JMJD1C: variants seen among roughly 807,000 people sequenced by gnomAD.
JMJD1C encodes jumonji domain-containing protein 1C.
Under a neutral mutation model 245.3 loss-of-function variants are expected in JMJD1C, and 31 were observed. That is an observed-to-expected ratio of 0.13 (90% CI 0.09 to 0.17). The LOEUF is 0.17. JMJD1C is among the 10% of genes least tolerant of loss of function. The probability of loss-of-function intolerance (pLI) is 1.00; values close to 1 mark genes in which losing one functional copy is unlikely to be tolerated. For synonymous variants in JMJD1C, 1,057 were observed against 1,017.4 expected, an observed-to-expected ratio of 1.04 and a Z score of -0.74; for missense variants, 2,691 against 3,000.2, an observed-to-expected ratio of 0.90 and a Z score of 2.41.
chr10:63,349,960 C>A (rs1316498073), intron 2 of JMJD1C, among the ~76,000 whole-genome samples: 1 of 152,026 alleles, frequency 6.6e-6, no homozygotes, highest in Non-Finnish European at 1.5e-5. Flanking sequence ...ACATTCTGCC[C>A]CATCCTGAAA....
intron 1 of JMJD1C, among the ~76,000 whole-genome samples, chr10:63,398,234 C>CT (rs994570665): frequency 2.6e-5 from 4 of 151,594 alleles, no homozygotes; most frequent in African/African-American, 4.8e-5. Context: ...TTTGATATGA[C>CT]TTTTTTTTTC....
chr10:63,457,364 A>G (rs946483820), intron 1 of JMJD1C, among the ~76,000 whole-genome samples: 2 of 152,218 alleles, frequency 1.3e-5, no homozygotes, highest in African/African-American at 2.4e-5. Flanking sequence ...ATTATACTTT[A>G]AACACTATTT....
intron 1 of JMJD1C, among the ~76,000 whole-genome samples, chr10:63,434,514 C>A (rs989731031): frequency 6.6e-6 from 1 of 152,016 alleles, no homozygotes. Flanking sequence ...GGACACAATA[C>A]TAGAGAGGAA....
At chr10:63,177,902 G>T in intron 22 of JMJD1C, 46 bp from the exon 23 acceptor site, 1 of 1,593,422 alleles carries the variant, frequency 6.3e-7, no homozygotes. Flanking sequence ...AAGAATACCA[G>T]AAAGCCAAGT....
chr10:63,451,784 C>T (rs1004777149), intron 1 of JMJD1C, among the ~76,000 whole-genome samples: 1 of 152,126 alleles, frequency 6.6e-6, no homozygotes, highest in African/African-American at 2.4e-5. Flanking sequence ...GAGATAAACC[C>T]CTGCATATAT....
At chr10:63,337,437 G>A (rs1470377485) in intron 2 of JMJD1C, among the ~76,000 whole-genome samples, 1 of 104,072 alleles carries the variant, frequency 9.6e-6, no homozygotes, top group Non-Finnish European at 1.8e-5. Flanking sequence ...GTGAGCCTCC[G>A]TCAGAAAGAA....
chr10:63,293,203 C>A (rs1858988304), intron 2 of JMJD1C, among the ~76,000 whole-genome samples: 2 of 152,142 alleles, frequency 1.3e-5, no homozygotes, highest in Non-Finnish European at 2.9e-5. Flanking sequence ...ACTTCCTCGA[C>A]CTTTTCTTGG....
At chr10:63,447,278 T>A (rs1394163062) in intron 1 of JMJD1C, among the ~76,000 whole-genome samples, 1 of 152,204 alleles carries the variant, frequency 6.6e-6, no homozygotes, top group African/African-American at 2.4e-5. Context: ...CTCAATTCAG[T>A]TCTTCTCCAT....
chr10:63,196,019 T>C (rs1845419968), intron 13 of JMJD1C, among the ~76,000 whole-genome samples: 1 of 151,678 alleles, frequency 6.6e-6, no homozygotes, highest in Admixed American at 6.6e-5. Flanking sequence ...TGGTGGCTCA[T>C]GCCTGTAATC....
chr10:63,479,711 A>G (rs1162054714), intron 1 of JMJD1C, among the ~76,000 whole-genome samples: 3 of 152,184 alleles, frequency 2.0e-5, no homozygotes, highest in Admixed American at 6.5e-5. Context: ...TAGAGACATG[A>G]TTCAGTTTCA....
chr10:63,370,555 C>T (rs1056848230), intron 2 of JMJD1C, among the ~76,000 whole-genome samples: 8 of 152,190 alleles, frequency 5.3e-5, no homozygotes, highest in African/African-American at 1.7e-4. Flanking sequence ...ATGCTACCTT[C>T]CTTGATAACT....
intron 10 of JMJD1C, among the ~76,000 whole-genome samples, chr10:63,201,835 C>A (rs1846044517): frequency 6.6e-6 from 1 of 151,298 alleles, no homozygotes; most frequent in African/African-American, 2.4e-5. Context: ...GAGGCTGAGG[C>A]AGGAGAATCA....
chr10:63,489,329 G>A (rs1392511439), intron 1 of JMJD1C: 1 of 152,394 alleles, frequency 6.6e-6, no homozygotes, highest in East Asian at 1.9e-4. Context: ...GAACCCAGGA[G>A]GCAGAGGTTG....
chr10:63,414,254 G>A (rs1949673348), intron 1 of JMJD1C, among the ~76,000 whole-genome samples: 1 of 152,042 alleles, frequency 6.6e-6, no homozygotes, highest in African/African-American at 2.4e-5. Flanking sequence ...CCAAAGTGCT[G>A]GGATCACAGG....
intron 2 of JMJD1C, among the ~76,000 whole-genome samples, chr10:63,349,654 A>C (rs982761243): frequency 6.6e-6 from 1 of 152,194 alleles, no homozygotes; most frequent in African/African-American, 2.4e-5. Context: ...TGCGGGAACT[A>C]TATGAGTTAC....
At chr10:63,427,430 C>T (rs1436468958) in intron 1 of JMJD1C, 2 of 1,136,750 alleles carry the variant, frequency 1.8e-6, no homozygotes, top group Non-Finnish European at 2.6e-6. Flanking sequence ...CGGGAGGTGA[C>T]TGCTGACCAG....
intron 1 of JMJD1C, chr10:63,489,644 C>T (rs1016491174): frequency 3.3e-5 from 5 of 152,828 alleles, no homozygotes; most frequent in African/African-American, 1.2e-4. Context: ...AGATTCAACA[C>T]TGGGATTACA....
chr10:63,430,501 A>G (rs545350181), intron 1 of JMJD1C, among the ~76,000 whole-genome samples: 3 of 152,242 alleles, frequency 2.0e-5, no homozygotes, highest in Non-Finnish European at 4.4e-5. Context: ...GGCACAGATT[A>G]TATGATTTCA....
intron 1 of JMJD1C, among the ~76,000 whole-genome samples, chr10:63,495,254 A>G (rs1954320068): frequency 6.6e-6 from 1 of 152,046 alleles, no homozygotes; most frequent in African/African-American, 2.4e-5. Flanking sequence ...CATATATGAG[A>G]TAATCCTGGG....
Sources: allele counts gnomAD v4.1 joint callset (sites outside exome capture counted in the v4.1 genomes callset), GRCh38; gene constraint gnomAD v4.1.1; transcripts MANE v1.5; gene names NCBI Gene and HGNC (gene_info 2026-07-23, HGNC 2026-07-21).